ADCY8: variants seen among roughly 807,000 people sequenced by gnomAD.
ADCY8 encodes adenylate cyclase 8.
ADCY8 carries 51 observed loss-of-function variants against 119.7 expected under a neutral mutation model. The observed-to-expected ratio is 0.43, with a 90% CI of 0.34 to 0.54. The LOEUF is 0.54. Ranked by LOEUF, ADCY8 falls within the 20% of genes least tolerant of loss-of-function variation. ADCY8 has a pLI of 0.03. For missense variants in ADCY8, 1,383 were observed against 1,598.8 expected, an observed-to-expected ratio of 0.87 and a Z score of 2.30; for synonymous variants, 665 against 651.0, an observed-to-expected ratio of 1.02 and a Z score of -0.33.
chr8:130,952,296 C>T (rs1169483001), intron 2 of ADCY8, among the ~76,000 whole-genome samples: 2 of 152,020 alleles, frequency 1.3e-5, no homozygotes, highest in Non-Finnish European at 2.9e-5. Context: ...CACACATTTA[C>T]AAAATGTGAT....
In ADCY8 at chr8:130,849,791, C is replaced by T; in HGVS notation, c.2223G>A (p.Met741Ile). 6.2e-7 allele frequency: 1 copy of T among 1,612,484 alleles called. No homozygotes were observed. The highest frequency in any genetic ancestry group is 8.5e-7 in the Non-Finnish European group (1 of 1,179,292). Residue 741 changes from methionine (M) to isoleucine (I), a missense_variant, in exon 10 of 18, where the codon ATG becomes ATA. By Grantham distance (10) the Met-to-Ile change is conservative. This residue lies in a region of ADCY8 where 928 missense variants were observed against 1,163.5 expected (regional missense o/e 0.80). Transcript: ENST00000286355. ...SLLPSSRVMP[M>I]TIQFSILIML... ...TAATCAGAATGGAGAACTGGATGGT[C>T]ATTGGCATCACTCTGCAGGGAAACA... is the stretch of plus-strand genomic sequence containing the variant.
intron 14 of ADCY8, 128 bp downstream of exon 14, chr8:130,813,941 G>C (rs1816254559): frequency 5.1e-6 from 6 of 1,170,048 alleles, no homozygotes; most frequent in South Asian, 4.5e-5. Flanking sequence ...CATAGTGTTA[G>C]GAGTTTCTCC....
At chr8:130,873,387 C>T (rs1037799787) in intron 8 of ADCY8, among the ~76,000 whole-genome samples, 16 of 150,774 alleles carry the variant, frequency 1.1e-4, no homozygotes, top group South Asian at 2.1e-4. Flanking sequence ...GGTGTGATCT[C>T]GGCTCAGCGC....
At chr8:130,922,861 C>T (rs1820357620) in intron 5 of ADCY8, among the ~76,000 whole-genome samples, 1 of 152,170 alleles carries the variant, frequency 6.6e-6, no homozygotes, top group African/African-American at 2.4e-5. Flanking sequence ...TGCTATGTCA[C>T]TTACAAGCTG....
intron 8 of ADCY8, among the ~76,000 whole-genome samples, chr8:130,878,827 GA>G (rs1818659694): frequency 6.6e-6 from 1 of 152,138 alleles, no homozygotes; most frequent in Non-Finnish European, 1.5e-5. Flanking sequence ...TTAAAAGAAG[GA>G]AGGAACTTTA....
intron 1 of ADCY8, among the ~76,000 whole-genome samples, chr8:131,038,752 T>C (rs1342005679): frequency 6.6e-6 from 1 of 152,208 alleles, no homozygotes; most frequent in Admixed American, 6.5e-5. Flanking sequence ...TCGCATCGTG[T>C]CATGAGAGAA....
intron 1 of ADCY8, among the ~76,000 whole-genome samples, chr8:131,031,600 C>CT (rs1286234560): frequency 1.3e-5 from 2 of 152,106 alleles, no homozygotes; most frequent in Non-Finnish European, 2.9e-5. Context: ...AGGGCTTTAC[C>CT]TTCATGAAAG....
intron 5 of ADCY8, among the ~76,000 whole-genome samples, chr8:130,912,900 C>T (rs72714452): frequency 0.075 from 11,446 of 152,166 alleles, 484 homozygotes; most frequent in Non-Finnish European, 0.1. Context: ...TGGAATCCAG[C>T]CTTTGAGAGG....
intron 5 of ADCY8, among the ~76,000 whole-genome samples, chr8:130,930,896 T>A (rs891984886): frequency 2.0e-5 from 3 of 152,202 alleles, no homozygotes; most frequent in Non-Finnish European, 4.4e-5. Context: ...AAATAAGCTT[T>A]CTACCCTTTT....
At chr8:130,968,551 G>A (rs1244003745) in intron 2 of ADCY8, among the ~76,000 whole-genome samples, 2 of 152,178 alleles carry the variant, frequency 1.3e-5, no homozygotes, top group East Asian at 3.9e-4. Context: ...GCTCCCAGGT[G>A]ACTGCTTGAT....
At chr8:131,033,074 C>T (rs1184913944) in intron 1 of ADCY8, among the ~76,000 whole-genome samples, 7 of 152,154 alleles carry the variant, frequency 4.6e-5, no homozygotes, top group African/African-American at 1.4e-4. Flanking sequence ...CTATGTTGTC[C>T]AGCTGCATAT....
At chr8:130,798,239 T>A (rs1815648965) in intron 15 of ADCY8, among the ~76,000 whole-genome samples, 1 of 152,204 alleles carries the variant, frequency 6.6e-6, no homozygotes, top group East Asian at 1.9e-4. Context: ...GCCTTTATGA[T>A]AGGAGGTTTT....
intron 5 of ADCY8, among the ~76,000 whole-genome samples, chr8:130,922,749 C>T (rs995817581): frequency 1.8e-4 from 28 of 152,210 alleles, no homozygotes; most frequent in African/African-American, 5.5e-4. Context: ...GGGTGGTGGC[C>T]GGGCAGATAA....
At chr8:130,911,337 C>T (rs372268249) in intron 5 of ADCY8, among the ~76,000 whole-genome samples, 14 of 152,204 alleles carry the variant, frequency 9.2e-5, no homozygotes, top group South Asian at 4.1e-4. Context: ...TAAATATCTT[C>T]TAAATGAAGA....
At chr8:131,037,525 G>A (rs904969615) in intron 1 of ADCY8, among the ~76,000 whole-genome samples, 2 of 152,174 alleles carry the variant, frequency 1.3e-5, no homozygotes, top group East Asian at 1.9e-4. Context: ...TGTGTGTACT[G>A]AGAAAGGCTA....
chr8:130,858,395 T>C (rs750538855), intron 9 of ADCY8, among the ~76,000 whole-genome samples: 9 of 152,220 alleles, frequency 5.9e-5, no homozygotes, highest in Non-Finnish European at 5.9e-5. Flanking sequence ...GTTTGAGGAA[T>C]ACTGGTGAGG....
intron 8 of ADCY8, among the ~76,000 whole-genome samples, chr8:130,879,895 G>T (rs1289813588): frequency 2.0e-5 from 3 of 152,100 alleles, no homozygotes; most frequent in Non-Finnish European, 4.4e-5. Flanking sequence ...ATCTCATCTT[G>T]TAGCTCCCAT....
In ADCY8 at chr8:131,039,713, G is replaced by A. The variant is rs774356932; in HGVS notation, c.621C>T (p.Pro207=). 1.2e-6 allele frequency: 2 copies of A among 1,614,116 alleles called. No individual in the cohort carries two copies. Among genetic ancestry groups the A allele is most frequent in the Non-Finnish European group, 1.7e-6 (2 of 1,180,024 alleles). Residue 207 remains proline (P), a synonymous_variant, in exon 1 of 18, where the codon CCC becomes CCT. Transcript: ENST00000286355. ...GCAGGATGCCCTTGAGCGGGTCCAT[G>A]GGGGCCGAGGCCAGGCTCAAGTGTA... The part of the protein sequence containing the change: ...LVLHLSLASA[P]MDPLKGILLG...
intron 15 of ADCY8, among the ~76,000 whole-genome samples, chr8:130,786,921 G>C (rs1815264539): frequency 1.3e-5 from 2 of 152,042 alleles, no homozygotes; most frequent in Admixed American, 1.3e-4. Flanking sequence ...GGGGAAGCTA[G>C]GGGCATGGGA....
Sources: allele counts gnomAD v4.1 joint callset (sites outside exome capture counted in the v4.1 genomes callset), GRCh38; gene constraint gnomAD v4.1.1; regional missense constraint gnomAD v4.1.1; transcripts MANE v1.5; gene names NCBI Gene and HGNC (gene_info 2026-07-23, HGNC 2026-07-21).